Variants in SEMA3E observed in about 807,000 individuals in gnomAD.
The protein encoded by SEMA3E is semaphorin-3E.
In SEMA3E, 49 loss-of-function variants were observed where a neutral mutation model predicts 93.6. The ratio of observed to expected loss-of-function variants is 0.52; its 90% CI spans 0.42 to 0.66. The LOEUF (loss-of-function observed/expected upper bound fraction) is 0.66. Among genes scored for constraint, SEMA3E ranks in the 30% least tolerant of loss-of-function variants. The pLI is 0.00. For missense variants in SEMA3E, 906 were observed against 964.8 expected (o/e 0.94, Z 0.81); for synonymous variants, 363 against 330.7 (o/e 1.10, Z -1.06).
intron 16 of SEMA3E, among the ~76,000 whole-genome samples, chr7:83,368,762 T>G (rs1389277550): frequency 6.6e-6 from 1 of 152,234 alleles, no homozygotes; most frequent in Non-Finnish European, 1.5e-5. Context: ...ACATTATTTC[T>G]ATAAATAAAT....
intron 1 of SEMA3E, among the ~76,000 whole-genome samples, chr7:83,575,735 C>G (rs1255475638): frequency 6.6e-6 from 1 of 151,994 alleles, no homozygotes; most frequent in African/African-American, 2.4e-5. Context: ...TTTGGTTTTT[C>G]TAGCTTTTGA....
chr7:83,611,042 T>C (rs1793242096), intron 1 of SEMA3E, among the ~76,000 whole-genome samples: 1 of 151,534 alleles, frequency 6.6e-6, no homozygotes, highest in Non-Finnish European at 1.5e-5. Context: ...CAAAAGTAAT[T>C]GCGGATTTGC....
At chr7:83,434,715 T>C (rs1216496445) in intron 4 of SEMA3E, among the ~76,000 whole-genome samples, 9 of 76,706 alleles carry the variant, frequency 1.2e-4, no homozygotes, top group African/African-American at 6.1e-4. Flanking sequence ...ATTTCTTTTT[T>C]TTTTTTTTTT....
chr7:83,381,063 A>T (rs1442536050), intron 16 of SEMA3E, among the ~76,000 whole-genome samples: 1 of 151,956 alleles, frequency 6.6e-6, no homozygotes, highest in Non-Finnish European at 1.5e-5. Context: ...ATGACTACCT[A>T]CTTCCACCTT....
intron 4 of SEMA3E, among the ~76,000 whole-genome samples, chr7:83,459,285 T>G (rs184088735): frequency 3.9e-5 from 6 of 152,184 alleles, no homozygotes; most frequent in Admixed American, 2.6e-4. Flanking sequence ...TTTGAGATAC[T>G]GAAAGGAGAA....
intron 1 of SEMA3E, among the ~76,000 whole-genome samples, chr7:83,582,170 T>C (rs1214122403): frequency 6.6e-6 from 1 of 150,932 alleles, no homozygotes; most frequent in African/African-American, 2.4e-5. Context: ...ATTTTATTTA[T>C]ATTTAAATAA....
chr7:83,466,712 T>G, intron 3 of SEMA3E, 111 bp from the exon 4 acceptor site: 54 of 1,379,628 alleles, frequency 3.9e-5, no homozygotes, highest in Middle Eastern at 1.8e-4. Flanking sequence ...CGTAAATCTC[T>G]GTTGGGTGAA....
chr7:83,647,341 C>T (rs1307106933), intron 1 of SEMA3E, among the ~76,000 whole-genome samples: 1 of 152,100 alleles, frequency 6.6e-6, no homozygotes, highest in Non-Finnish European at 1.5e-5. Context: ...AAATATTCTA[C>T]CTGTACTTAG....
chr7:83,586,684 G>C (rs1792634381), intron 1 of SEMA3E, among the ~76,000 whole-genome samples: 2 of 151,484 alleles, frequency 1.3e-5, no homozygotes, highest in African/African-American at 4.8e-5. Context: ...TATAATAGAG[G>C]TTTCTTTAAG....
At chr7:83,577,278 C>G (rs1792425812) in intron 1 of SEMA3E, among the ~76,000 whole-genome samples, 2 of 152,170 alleles carry the variant, frequency 1.3e-5, no homozygotes, top group African/African-American at 4.8e-5. Flanking sequence ...CCAAGGAGAC[C>G]AAAAATTTGG....
intron 12 of SEMA3E, among the ~76,000 whole-genome samples, chr7:83,395,418 A>G (rs889506374): frequency 1.3e-5 from 2 of 152,142 alleles, no homozygotes; most frequent in African/African-American, 2.4e-5. Flanking sequence ...TTTGTTATTC[A>G]CAGATTCTGT....
At chr7:83,470,943 A>T (rs1399632387) in intron 2 of SEMA3E, among the ~76,000 whole-genome samples, 2 of 151,660 alleles carry the variant, frequency 1.3e-5, no homozygotes, top group Admixed American at 1.3e-4. Context: ...CCATATAAAA[A>T]TCCTTAGCAT....
intron 7 of SEMA3E, among the ~76,000 whole-genome samples, chr7:83,406,800 C>A (rs971953190): frequency 6.6e-6 from 1 of 151,860 alleles, no homozygotes; most frequent in African/African-American, 2.4e-5. Context: ...AGGTTTTGAT[C>A]AAATTCATTA....
Position 83,385,453 on chromosome 7 carries a change from G to C in SEMA3E, c.1736-20C>G. The C allele has an allele frequency of 1.9e-6, 3 of 1,612,234 alleles. No individual in the cohort carries two copies. Among genetic ancestry groups the C allele is most frequent in the Middle Eastern group, 3.3e-4 (2 of 6,050 alleles). On this transcript the variant is annotated intron_variant, in intron 15 of 16. Coordinates refer to ENST00000643230, the MANE Select transcript of SEMA3E (RefSeq NM_012431.3). ...CATCCCCTACAACAGGAACATTAATGCCATCTTTGAGACTTAGATTTTATA... is the reference window on the plus strand; with the variant it reads ...CATCCCCTACAACAGGAACATTAATCCCATCTTTGAGACTTAGATTTTATA...
chr7:83,539,845 T>TG (rs1791481186), intron 1 of SEMA3E, among the ~76,000 whole-genome samples: 1 of 102,176 alleles, frequency 9.8e-6, no homozygotes, highest in Admixed American at 1.0e-4. Flanking sequence ...TTTGTTTTGT[T>TG]TTGTTGTTTC....
intron 5 of SEMA3E, among the ~76,000 whole-genome samples, chr7:83,409,720 T>C (rs1180864060): frequency 2.0e-5 from 3 of 151,806 alleles, no homozygotes; most frequent in Non-Finnish European, 2.9e-5. Flanking sequence ...TGACCAAATA[T>C]ATAAACAGAA....
chr7:83,445,360 G>A (rs528461875), intron 4 of SEMA3E, among the ~76,000 whole-genome samples: 33 of 147,926 alleles, frequency 2.2e-4, no homozygotes, highest in Non-Finnish European at 4.0e-4. Context: ...GAAGGTAGAG[G>A]TGGATAGAAA....
Position 83,523,005 on chromosome 7 carries a change from T to C in SEMA3E, c.116-32731A>G, listed in dbSNP as rs2713156. Among the ~76,000 whole-genome samples, 677 of 152,154 alleles carry C rather than the reference T, an allele frequency of 4.4e-3. 1 individual carries two copies. Among genetic ancestry groups the C allele is most frequent in the African/African-American group, 0.015 (637 of 41,540 alleles). On this transcript the variant is annotated intron_variant, in intron 1 of 16. Coordinates refer to ENST00000643230, the MANE Select transcript of SEMA3E (RefSeq NM_012431.3). ...TAAAGCTGTAGCATTTAAACAACTA[T>C]GCACAGAGACTTGAACAGCACAGGC...
chr7:83,527,347 A>G (rs1791182640), intron 1 of SEMA3E, among the ~76,000 whole-genome samples: 1 of 152,124 alleles, frequency 6.6e-6, no homozygotes, highest in East Asian at 1.9e-4. Flanking sequence ...TAGAAAACTA[A>G]TACAACCACC....
Sources: allele counts gnomAD v4.1 joint callset (sites outside exome capture counted in the v4.1 genomes callset), GRCh38; gene constraint gnomAD v4.1.1; transcripts MANE v1.5; gene names NCBI Gene and HGNC (gene_info 2026-07-23, HGNC 2026-07-21).